OAS1: variants seen among roughly 807,000 people sequenced by gnomAD.
OAS1 encodes 2'-5'-oligoadenylate synthetase 1.
Under a neutral mutation model 38.5 loss-of-function variants are expected in OAS1, and 24 were observed. That is an observed-to-expected ratio of 0.62 (90% CI 0.45 to 0.88). OAS1 has a LOEUF of 0.88. OAS1 is among the 40% of genes least tolerant of loss of function. OAS1 has a pLI of 0.00. For synonymous variants in OAS1, 169 were observed against 193.9 expected (o/e 0.87, Z 1.07); for missense variants, 482 against 493.9 (o/e 0.98, Z 0.23).
chr12:112,922,536 C>G (rs992457491), downstream of OAS1, among the ~76,000 whole-genome samples: 2 of 152,148 alleles, frequency 1.3e-5, no homozygotes, highest in South Asian at 4.1e-4. Context: ...TTCTATTGCT[C>G]TGGGAGTCCT....
intron 1 of OAS1, 61 bp from the exon 2 acceptor site, chr12:112,908,475 A>G: frequency 6.6e-7 from 1 of 1,516,996 alleles, no homozygotes; most frequent in Non-Finnish European, 8.9e-7. Context: ...TGCTCCTGTC[A>G]TTTTATTTAG....
rs2043455608 is a variant in OAS1 at position 112,916,402 on chromosome 12, G to A, written c.655-107G>A. On this transcript the variant is annotated intron_variant, in intron 3 of 5. Transcript: ENST00000202917. Reference sequence around the variant, plus strand: ...TGAATGAGCCTGGATTCGTTCCAAGGAAACTTTATAAAAACAGGTGGCAGG... The same window carrying A: ...TGAATGAGCCTGGATTCGTTCCAAGAAAACTTTATAAAAACAGGTGGCAGG... 3 of 782,512 alleles carry A rather than the reference G, an allele frequency of 3.8e-6. No homozygotes were observed. In the East Asian group the frequency reaches 7.8e-5, roughly 20 times the overall value. The allele number at this position is 782,512 out of a possible 1,614,324, so 48.5% of individuals were successfully genotyped here. A position where few individuals can be genotyped will look rare whatever the true frequency, so the allele number is the denominator to read the frequency against.
At chr12:112,916,400 AG>A (rs1164579386) in intron 3 of OAS1, 108 bp from the exon 4 acceptor site, 1 of 770,012 alleles carries the variant, frequency 1.3e-6, no homozygotes, top group Admixed American at 2.5e-5. Context: ...ATTCGTTCCA[AG>A]GAAACTTTAT....
intron 2 of OAS1, among the ~76,000 whole-genome samples, 174 bp from the exon 3 acceptor site, chr12:112,910,877 G>A (rs1319215940): frequency 6.6e-6 from 1 of 152,070 alleles, no homozygotes; most frequent in East Asian, 1.9e-4. Context: ...TGGATGGGGT[G>A]ATGGCAGTGG....
intron 1 of OAS1, 24 bp downstream of exon 1, chr12:112,907,243 G>C: frequency 6.2e-7 from 1 of 1,609,550 alleles, no homozygotes; most frequent in Non-Finnish European, 8.5e-7. Context: ...TGCCTGGCCA[G>C]GGGAGGGGTG....
chr12:112,917,139 C>T (rs1173126182), intron 4 of OAS1, among the ~76,000 whole-genome samples: 1 of 152,194 alleles, frequency 6.6e-6, no homozygotes, highest in African/African-American at 2.4e-5. Context: ...AGCAATATTA[C>T]TGATATGTAT....
rs548288126 is a variant in OAS1, at chr12:112,925,643, A to G, written c.1167+6028A>G. Among the ~76,000 whole-genome samples the G allele has an allele frequency of 9.9e-5, 15 of 152,230 alleles. No individual in the cohort carries two copies. The South Asian group carries it at 2.5e-3, about 25-fold the overall frequency. ...CTCTATAAAAATAAAAAAATTAGCCAGGTGTGGTGGCTCATGCCTGTAGTC... is the reference window on the plus strand; with the variant it reads ...CTCTATAAAAATAAAAAAATTAGCCGGGTGTGGTGGCTCATGCCTGTAGTC... On this transcript the variant is annotated intron_variant, in intron 6 of 6. Coordinates refer to the OAS1 transcript ENST00000540589.
At chr12:112,926,499 C>A (rs565498992) in intron 6 of OAS1, among the ~76,000 whole-genome samples, 1 of 152,020 alleles carries the variant, frequency 6.6e-6, no homozygotes, top group East Asian at 1.9e-4. Context: ...CATCACATGT[C>A]GGCAGGTTCT....
chr12:112,931,922 G>A, exon 7 of OAS1: 1 of 702,558 alleles, frequency 1.4e-6, no homozygotes. Flanking sequence ...CCAATAATTA[G>A]TGAACATGCG....
intron 3 of OAS1, 38 bp from the exon 4 acceptor site, chr12:112,916,471 C>A: frequency 1.3e-6 from 2 of 1,572,540 alleles, no homozygotes; most frequent in Non-Finnish European, 1.7e-6. Context: ...AAAAGTTGAG[C>A]AAACCAATTT....
chr12:112,908,747 C>T lies in OAS1; in HGVS notation c.392C>T (p.Ala131Val), dbSNP rs761673884. The change falls in exon 2 of 6, where the codon GCG becomes GTG. Residue 131 changes from alanine (A) to valine (V), a missense_variant. Transcript: ENST00000202917. ...GCTCCACGCTGGGGCAACCCCCGTG[C>T]GCTCAGCTTCGTACTGAGTTCGCTC... ...VQAPRWGNPR[A>V]LSFVLSSLQL... is the part of the protein sequence containing the mutation. 71 of 1,614,040 alleles carry T rather than the reference C, an allele frequency of 4.4e-5. No homozygotes were observed. The highest frequency in any genetic ancestry group is 1.6e-4 in the Middle Eastern group (1 of 6,084).
chr12:112,917,210 C>G (rs2043473040), intron 4 of OAS1, among the ~76,000 whole-genome samples: 1 of 152,226 alleles, frequency 6.6e-6, no homozygotes, highest in South Asian at 2.1e-4. Flanking sequence ...ATCCTCACAG[C>G]ATAGCCTTTG....
chr12:112,916,258 TTTTTAAAAAATAAAAGGCTAGATAG>T (rs1267343789), intron 3 of OAS1, among the ~76,000 whole-genome samples: 16 of 152,192 alleles, frequency 1.1e-4, no homozygotes. Flanking sequence ...CCAGTACACT[TTTTTAAAAAATAAAAGGCTAGATAG>T]TAAATATTTT....
intron 4 of OAS1, 149 bp from the exon 5 acceptor site, chr12:112,917,398 G>C (rs2043476016): frequency 3.1e-6 from 3 of 976,936 alleles, no homozygotes; most frequent in African/African-American, 1.6e-5. Context: ...CTGGGGAATA[G>C]GGCACTGGGG....
At chr12:112,911,266 C>T (rs2136303461) in intron 3 of OAS1, 31 bp downstream of exon 3, 3 of 1,518,322 alleles carry the variant, frequency 2.0e-6, no homozygotes, top group Admixed American at 1.8e-5. Flanking sequence ...CTGGTGGGTC[C>T]TGTCTCGACT....
chr12:112,918,654 G>A (rs973263982), intron 5 of OAS1: 3 of 455,706 alleles, frequency 6.6e-6, no homozygotes, highest in African/African-American at 6.0e-5. Flanking sequence ...GCTAACAAGT[G>A]GTGGAAATGG....
chr12:112,920,333 T>C (rs1012661889), downstream of OAS1, among the ~76,000 whole-genome samples: 4 of 152,242 alleles, frequency 2.6e-5, no homozygotes, highest in Non-Finnish European at 5.9e-5. Flanking sequence ...AGTCTAAATC[T>C]ACATGTGCTG....
intron 4 of OAS1, among the ~76,000 whole-genome samples, chr12:112,917,283 G>A (rs150837409): frequency 0.01 from 1,597 of 152,280 alleles, 15 homozygotes; most frequent in Non-Finnish European, 0.016. Flanking sequence ...GAGAGTTCAA[G>A]TGACCTACCC....
chr12:112,908,370 T>C (rs1006337208), intron 1 of OAS1, among the ~76,000 whole-genome samples, 166 bp from the exon 2 acceptor site: 1 of 152,222 alleles, frequency 6.6e-6, no homozygotes, highest in Non-Finnish European at 1.5e-5. Context: ...CTAATGATAA[T>C]GGCATCCAAA....
Sources: allele counts gnomAD v4.1 joint callset (sites outside exome capture counted in the v4.1 genomes callset), GRCh38; gene constraint gnomAD v4.1.1; transcripts MANE v1.5; gene names NCBI Gene and HGNC (gene_info 2026-07-23, HGNC 2026-07-21).